JADE2: variants seen among roughly 807,000 people sequenced by gnomAD.
JADE2 encodes E3 ubiquitin-protein ligase Jade-2.
In JADE2, 13 loss-of-function variants were observed where a neutral mutation model predicts 85.7. The ratio of observed to expected loss-of-function variants is 0.15; its 90% CI spans 0.10 to 0.24. JADE2 has a LOEUF of 0.24. JADE2 is among the 10% of genes least tolerant of loss of function. The pLI is 1.00. For synonymous variants in JADE2, 440 were observed against 456.1 expected, an observed-to-expected ratio of 0.96 and a Z score of 0.45; for missense variants, 846 against 1,115.9, an observed-to-expected ratio of 0.76 and a Z score of 3.45.
intron 5 of JADE2, 122 bp downstream of exon 5, chr5:134,560,112 A>ATTCAG: frequency 2.7e-6 from 3 of 1,109,970 alleles, no homozygotes; most frequent in Non-Finnish European, 3.9e-6. Context: ...GGGAGTCTCC[A>ATTCAG]TACTGCATTA....
chr5:134,525,219 G>C (rs1381606452), upstream of JADE2, among the ~76,000 whole-genome samples: 1 of 151,940 alleles, frequency 6.6e-6, no homozygotes, highest in Non-Finnish European at 1.5e-5. Flanking sequence ...GGCGCGTAGG[G>C]GGCGGGGTGT....
chr5:134,550,321 C>G (rs951661236), intron 3 of JADE2, among the ~76,000 whole-genome samples: 1 of 152,216 alleles, frequency 6.6e-6, no homozygotes, highest in African/African-American at 2.4e-5. Flanking sequence ...CAAGATGCTG[C>G]TTCCAGGCCC....
At chr5:134,565,072 G>A (rs1412306949) in intron 8 of JADE2, among the ~76,000 whole-genome samples, 2 of 152,176 alleles carry the variant, frequency 1.3e-5, no homozygotes, top group African/African-American at 4.8e-5. Context: ...GGAGGGCTTG[G>A]TAAACATAGA....
chr5:134,557,203 T>G (rs115227998), intron 4 of JADE2, among the ~76,000 whole-genome samples: 2,061 of 150,638 alleles, frequency 0.014, 26 homozygotes, highest in African/African-American at 0.014. Flanking sequence ...TTGTTGTTAT[T>G]ATGATGATGA....
Position 134,525,776 on chromosome 5 carries a change from C to T in JADE2, c.-236C>T, listed in dbSNP as rs1465855205. On this transcript the variant is annotated 5_prime_UTR_variant, in exon 1 of 12. Coordinates refer to ENST00000681547, the MANE Select transcript of JADE2 (RefSeq NM_001388185.1). ...CGTCCATGGAGTTACTTTGCGCCCA[C>T]TCCTAGCGGCACCGGCTTAGGTCCT... 5 of 1,147,666 alleles carry T rather than the reference C, an allele frequency of 4.4e-6. No homozygotes were observed. The highest frequency in any genetic ancestry group is 4.3e-6 in the Non-Finnish European group (4 of 923,272). 71.1% of individuals were successfully genotyped at this position (1,147,666 alleles called of 1,614,324 possible).
At chr5:134,547,052 A>C (rs1762337229) in intron 3 of JADE2, among the ~76,000 whole-genome samples, 1 of 152,056 alleles carries the variant, frequency 6.6e-6, no homozygotes, top group Non-Finnish European at 1.5e-5. Flanking sequence ...GCCTTTTGTC[A>C]CTATCTTTAT....
intron 3 of JADE2, 84 bp from the exon 4 acceptor site, chr5:134,551,968 A>G (rs1762618017): frequency 1.8e-5 from 23 of 1,278,386 alleles, no homozygotes; most frequent in East Asian, 2.3e-5. Context: ...CTTGAGTTGC[A>G]TGTATCTGCC....
intron 8 of JADE2, among the ~76,000 whole-genome samples, chr5:134,565,540 G>A (rs557076484): frequency 6.6e-6 from 1 of 152,258 alleles, no homozygotes; most frequent in Non-Finnish European, 1.5e-5. Flanking sequence ...AAGTCATTTT[G>A]CCCACACAAA....
At chr5:134,543,876 C>T (rs375303584) in intron 3 of JADE2, among the ~76,000 whole-genome samples, 6 of 152,248 alleles carry the variant, frequency 3.9e-5, no homozygotes, top group East Asian at 1.9e-4. Flanking sequence ...ATCTAAGCAA[C>T]GTCAGGGAGT....
At chr5:134,526,824 C>A in intron 1 of JADE2, 1 of 910,828 alleles carries the variant, frequency 1.1e-6, no homozygotes, top group Non-Finnish European at 1.3e-6. Flanking sequence ...CAGCCTCCAC[C>A]TCCGGGGCCG....
chr5:134,570,798 A>C (rs1763949484), intron 9 of JADE2, among the ~76,000 whole-genome samples: 1 of 151,052 alleles, frequency 6.6e-6, no homozygotes. Context: ...CTGACTGCTC[A>C]CTCCCAGGGC....
intron 10 of JADE2, chr5:134,574,177 C>T: frequency 3.4e-6 from 1 of 293,704 alleles, no homozygotes; most frequent in Non-Finnish European, 6.6e-6. Context: ...AAGAAGGCAG[C>T]TGTCCCAGAG....
chr5:134,567,771 G>T (rs1390698388), intron 9 of JADE2, among the ~76,000 whole-genome samples: 1 of 152,250 alleles, frequency 6.6e-6, no homozygotes, highest in Non-Finnish European at 1.5e-5. Flanking sequence ...GCCTGCTCAA[G>T]AGGGAAATGA....
chr5:134,561,518 C>T (rs140415011), intron 6 of JADE2, among the ~76,000 whole-genome samples: 235 of 150,980 alleles, frequency 1.6e-3, no homozygotes, highest in African/African-American at 5.3e-3. Flanking sequence ...TGGCCAGGCT[C>T]CCCTTGGTTT....
chr5:134,576,822 G>A lies in JADE2; in HGVS notation c.1607G>A (p.Cys536Tyr), dbSNP rs375274004. ...AAGAGTGACTCGAAGAGGAAGGGCT[G>A]CGAGGGCTCCAAGGGCAGCACTGAG... ...GKKSDSKRKG[C>Y]EGSKGSTEKK... The change falls in exon 11 of 12, where the codon TGC (cysteine) becomes TAC (tyrosine). Residue 536 changes from cysteine to tyrosine, a missense_variant. Cys to Tyr is a radical substitution (Grantham distance 194). Coordinates refer to ENST00000681547, the MANE Select transcript of JADE2 (RefSeq NM_001388185.1). 70 of 1,550,510 alleles carry A rather than the reference G, an allele frequency of 4.5e-5. 1 individual carries two copies. Among genetic ancestry groups the A allele is most frequent in the East Asian group, 3.9e-4 (16 of 40,932 alleles).
At position 134,559,924 on chromosome 5, in the gene JADE2, C is replaced by A; in HGVS notation, c.406C>A (p.Arg136Ser). Residue 136 changes from arginine (R) to serine (S), a missense_variant, in exon 5 of 12, where the codon CGC becomes AGC. Coordinates refer to ENST00000681547, the MANE Select transcript of JADE2 (RefSeq NM_001388185.1). ...CCAGCCTGATTGGCCAGGGGGCAGC[C>A]GCTATGACTTGGACGAGATTGATGC... The part of the protein sequence containing the change: ...GSQPDWPGGS[R>S]YDLDEIDAYW... The A allele has an allele frequency of 1.2e-6, 2 of 1,613,980 alleles. No homozygotes were observed. Among genetic ancestry groups the A allele is most frequent in the Non-Finnish European group, 1.7e-6 (2 of 1,179,938 alleles).
chr5:134,576,637 C>T, intron 10 of JADE2, 131 bp from the exon 11 acceptor site: 1 of 1,171,096 alleles, frequency 8.5e-7, no homozygotes, highest in Admixed American at 2.4e-5. Flanking sequence ...TCCCCTAACT[C>T]CAACCTTTTT....
Position 134,559,814 on chromosome 5 carries a change from T to C in JADE2, c.312-16T>C, listed in dbSNP as rs371625180. On this transcript the variant is annotated splice_polypyrimidine_tract_variant and intron_variant, in intron 4 of 11. Transcript: ENST00000681547. ...GAGGGCCCCTCCCTTCATGACATCC[T>C]GTCTTGATTTTCTAGGATCCTCCCA... is the stretch of plus-strand genomic sequence containing the variant. 2 of 1,603,712 alleles carry C rather than the reference T, an allele frequency of 1.2e-6. No homozygotes were observed. Among genetic ancestry groups the C allele is most frequent in the African/African-American group, 1.3e-5 (1 of 74,432 alleles).
At chr5:134,532,309 T>C (rs1029702834) in intron 1 of JADE2, among the ~76,000 whole-genome samples, 19 of 152,106 alleles carry the variant, frequency 1.2e-4, no homozygotes, top group Admixed American at 1.0e-3. Flanking sequence ...TGGACCAGTG[T>C]GGTGATAGTA....
Sources: allele counts gnomAD v4.1 joint callset (sites outside exome capture counted in the v4.1 genomes callset), GRCh38; gene constraint gnomAD v4.1.1; transcripts MANE v1.5; gene names NCBI Gene and HGNC (gene_info 2026-07-23, HGNC 2026-07-21).